The following KAZN variants were observed in gnomAD, a reference collection of about 807,000 sequenced individuals.
KAZN encodes kazrin.
In KAZN, 40 loss-of-function variants were observed where a neutral mutation model predicts 87.4. That is an observed-to-expected ratio of 0.46 (90% CI 0.36 to 0.60). The LOEUF (loss-of-function observed/expected upper bound fraction) is 0.60, where lower values mean the gene tolerates loss of function less well. Ranked by LOEUF, KAZN falls within the 20% of genes least tolerant of loss-of-function variation. KAZN has a pLI of 0.00. For missense variants in KAZN, 898 were observed against 1,073.9 expected, an observed-to-expected ratio of 0.84 and a Z score of 2.29; for synonymous variants, 466 against 458.3, an observed-to-expected ratio of 1.02 and a Z score of -0.22.
At chr1:14,784,903 C>T (rs1159645766) in intron 1 of KAZN, among the ~76,000 whole-genome samples, 3 of 151,730 alleles carry the variant, frequency 2.0e-5, no homozygotes, top group South Asian at 2.1e-4. Context: ...TCAGCAGCCC[C>T]GAATCGGAAA....
At chr1:14,805,112 G>A (rs1048928670) in intron 1 of KAZN, among the ~76,000 whole-genome samples, 5 of 152,180 alleles carry the variant, frequency 3.3e-5, no homozygotes, top group Admixed American at 6.5e-5. Flanking sequence ...CGTACTAGTC[G>A]GGGTATAGGT....
At chr1:15,005,106 A>G (rs1267570072) in intron 2 of KAZN, among the ~76,000 whole-genome samples, 1 of 152,114 alleles carries the variant, frequency 6.6e-6, no homozygotes, top group African/African-American at 2.4e-5. Flanking sequence ...GCCATGGCCG[A>G]ACTTCATCCC....
chr1:14,419,799 C>T (rs975508242), intron 2 of KAZN, among the ~76,000 whole-genome samples: 19 of 152,084 alleles, frequency 1.2e-4, no homozygotes, highest in African/African-American at 4.3e-4. Flanking sequence ...TTGTTCATTC[C>T]TCCCGGTGGG....
At position 13,935,900 on chromosome 1, in the gene KAZN, G is replaced by GTGTGTGTGTA. The variant is rs60444554; in HGVS notation, c.91+42145_91+42146insGTGTGTGTAT. ...TGTGTGTGTGTGTGTGTGTGTGTGT[G>GTGTGTGTGTA]TAGAATCAGATAAATTATTTAATAT... On this transcript the variant is annotated intron_variant, in intron 1 of 16. Coordinates refer to the KAZN transcript ENST00000636203. 5.4e-3 allele frequency among the ~76,000 whole-genome samples: 757 copies of GTGTGTGTGTA among 141,480 alleles called. 45 individuals carry two copies. Among genetic ancestry groups the GTGTGTGTGTA allele is most frequent in the Middle Eastern group, 0.011 (3 of 274 alleles). The allele number at this position is 141,480 out of a possible 152,430, so 92.8% of individuals were successfully genotyped here. A position where few individuals can be genotyped will look rare whatever the true frequency, so the allele number is the denominator to read the frequency against.
intron 2 of KAZN, among the ~76,000 whole-genome samples, chr1:14,509,305 A>G (rs1321072015): frequency 6.6e-6 from 1 of 152,210 alleles, no homozygotes. Context: ...TGTTATATAG[A>G]TAATGAAATC....
At chr1:13,894,679 T>A (rs1459380300) in intron 1 of KAZN, among the ~76,000 whole-genome samples, 1 of 152,192 alleles carries the variant, frequency 6.6e-6, no homozygotes, top group African/African-American at 2.4e-5. Flanking sequence ...CCTGAGTCAG[T>A]GTTGATGCTT....
At chr1:14,540,549 G>A (rs1293542257) in intron 2 of KAZN, among the ~76,000 whole-genome samples, 2 of 152,126 alleles carry the variant, frequency 1.3e-5, no homozygotes, top group Non-Finnish European at 2.9e-5. Flanking sequence ...AGTGTGTCCA[G>A]TGCAGCCCAC....
intron 1 of KAZN, among the ~76,000 whole-genome samples, chr1:14,855,457 C>T (rs557993063): frequency 9.7e-4 from 148 of 152,312 alleles, no homozygotes; most frequent in Non-Finnish European, 1.6e-3. Context: ...AAAGCCTATG[C>T]GCCTCATTCT....
rs141954565 is a variant in KAZN at position 14,578,299 on chromosome 1, C to G, written c.250-20684C>G. On this transcript the variant is annotated intron_variant, in intron 2 of 16. Transcript: ENST00000636203. ...AAATCTCTCCCCTGCCTTACACTAG[C>G]CTTTACCAACTGTGAAGCACCCTTC... 2.3e-3 allele frequency among the ~76,000 whole-genome samples: 357 copies of G among 152,204 alleles called. 9 individuals are homozygous for G. In the East Asian group the frequency reaches 0.035, roughly 15 times the overall value.
intron 2 of KAZN, among the ~76,000 whole-genome samples, chr1:14,509,355 G>A (rs1391161535): frequency 6.6e-6 from 1 of 152,172 alleles, no homozygotes; most frequent in African/African-American, 2.4e-5. Flanking sequence ...AGTCAAAGCT[G>A]GGATTCACAC....
At chr1:14,883,343 A>AGGGAGGGAGGGAGGG (rs375634372) in intron 1 of KAZN, among the ~76,000 whole-genome samples, 1 of 33,314 alleles carries the variant, frequency 3.0e-5, no homozygotes, top group Non-Finnish European at 6.9e-5. Context: ...AGAGAGAGAG[A>AGGGAGGGAGGGAGGG]AAGAAAGAAA....
chr1:14,884,129 C>T (rs1019445797), intron 1 of KAZN, among the ~76,000 whole-genome samples: 36 of 152,260 alleles, frequency 2.4e-4, no homozygotes, highest in African/African-American at 8.2e-4. Flanking sequence ...CGCGGGGGCT[C>T]ACACCTGTAA....
intron 2 of KAZN, among the ~76,000 whole-genome samples, chr1:14,265,127 C>T (rs1174741399): frequency 1.3e-5 from 2 of 152,120 alleles, no homozygotes; most frequent in African/African-American, 4.8e-5. Flanking sequence ...TGAATTTTGG[C>T]CCAGATGGTA....
intron 2 of KAZN, among the ~76,000 whole-genome samples, chr1:14,284,923 G>T (rs1285104012): frequency 6.6e-6 from 1 of 152,154 alleles, no homozygotes; most frequent in Admixed American, 6.5e-5. Context: ...CAAAACACTG[G>T]GTCTTTTCTC....
At chr1:15,079,656 A>G (rs1181546854) in intron 8 of KAZN, among the ~76,000 whole-genome samples, 1 of 152,118 alleles carries the variant, frequency 6.6e-6, no homozygotes, top group Non-Finnish European at 1.5e-5. Flanking sequence ...ACCTGTGTCA[A>G]GATCCCCCCC....
At chr1:14,334,238 G>A (rs1657058843) in intron 2 of KAZN, among the ~76,000 whole-genome samples, 1 of 151,960 alleles carries the variant, frequency 6.6e-6, no homozygotes, top group Non-Finnish European at 1.5e-5. Context: ...GGTGGTGTAT[G>A]CCTGTAATCC....
intron 2 of KAZN, among the ~76,000 whole-genome samples, chr1:14,403,963 G>A (rs947339946): frequency 5.9e-5 from 9 of 152,074 alleles, no homozygotes; most frequent in African/African-American, 1.2e-4. Context: ...ATGGGTTGCC[G>A]CTTCTGCAGT....
chr1:14,008,506 G>A (rs1341956484), intron 1 of KAZN, among the ~76,000 whole-genome samples: 2 of 152,206 alleles, frequency 1.3e-5, no homozygotes, highest in Non-Finnish European at 2.9e-5. Context: ...CATTTAGTAA[G>A]AAACTAATGT....
intron 2 of KAZN, among the ~76,000 whole-genome samples, chr1:15,003,324 C>T (rs1020301129): frequency 7.2e-5 from 11 of 152,282 alleles, no homozygotes; most frequent in African/African-American, 2.2e-4. Context: ...CAGTTGGCAG[C>T]GGCTCTGGTA....
Sources: gnomAD v4.1 joint callset for allele counts (sites outside exome capture counted in the v4.1 genomes callset) on GRCh38, gnomAD v4.1.1 for gene constraint, MANE v1.5 for transcripts, NCBI Gene and HGNC (gene_info 2026-07-23, HGNC 2026-07-21) for gene names.